The following SND1 variants were observed in gnomAD, a reference collection of about 807,000 sequenced individuals.
The protein encoded by SND1 is staphylococcal nuclease domain-containing protein 1.
SND1 carries 38 observed loss-of-function variants against 121.7 expected under a neutral mutation model. That is an observed-to-expected ratio of 0.31 (90% CI 0.24 to 0.41). The LOEUF (loss-of-function observed/expected upper bound fraction) is 0.41, where lower values mean the gene tolerates loss of function less well. SND1 is among the 10% of genes least tolerant of loss of function. The probability of loss-of-function intolerance (pLI) is 1.00; values close to 1 mark genes in which losing one functional copy is unlikely to be tolerated. For missense variants in SND1, 868 were observed against 1,184.6 expected (o/e 0.73, Z 3.92); for synonymous variants, 401 against 447.4 (o/e 0.90, Z 1.31).
chr7:127,918,536 T>C (rs1468346795), intron 14 of SND1, among the ~76,000 whole-genome samples: 6 of 152,196 alleles, frequency 3.9e-5, no homozygotes, highest in Admixed American at 3.9e-4. Context: ...ATTTATTTCT[T>C]TTTCTTTTAA....
At chr7:128,074,104 G>A (rs1269561691) in intron 16 of SND1, among the ~76,000 whole-genome samples, 1 of 152,164 alleles carries the variant, frequency 6.6e-6, no homozygotes, top group Non-Finnish European at 1.5e-5. Flanking sequence ...CCTCTCCCCA[G>A]GGGTTGCCTC....
chr7:127,725,259 T>A (rs1796562604), intron 10 of SND1, among the ~76,000 whole-genome samples: 1 of 152,220 alleles, frequency 6.6e-6, no homozygotes, highest in South Asian at 2.1e-4. Flanking sequence ...GGAGCCCAGT[T>A]GAGTATTCAT....
intron 2 of SND1, among the ~76,000 whole-genome samples, chr7:127,692,236 T>C (rs936550606): frequency 6.6e-6 from 1 of 152,320 alleles, no homozygotes; most frequent in African/African-American, 2.4e-5. Context: ...CTCAGTTTCA[T>C]TGTGGTAGAT....
chr7:128,080,784 G>A (rs776682055), intron 17 of SND1, among the ~76,000 whole-genome samples: 14 of 152,080 alleles, frequency 9.2e-5, no homozygotes, highest in Non-Finnish European at 1.8e-4. Context: ...GGTAGGCCTG[G>A]GGTAGGATCT....
rs561552471 is a variant in SND1 at position 128,015,797 on chromosome 7, G to C, written c.1779+24741G>C. 6.6e-6 allele frequency among the ~76,000 whole-genome samples: 1 copy of C among 152,144 alleles called. No homozygotes were observed. Among genetic ancestry groups the C allele is most frequent in the Non-Finnish European group, 1.5e-5 (1 of 68,036 alleles). On this transcript the variant is annotated intron_variant, in intron 16 of 23. Transcript: ENST00000354725. The surrounding 1 kb of genome is among the most constrained non-coding windows in gnomAD (Gnocchi z 4.5). The stretch of plus-strand genomic sequence containing the variant: ...GCAGCAGAAATTTGGAGCTGTACAG[G>C]AATCAGATGTCCCACCTAGCAGGCT...
At chr7:127,668,819 C>G (rs1795464142) in intron 1 of SND1, among the ~76,000 whole-genome samples, 1 of 152,220 alleles carries the variant, frequency 6.6e-6, no homozygotes, top group Admixed American at 6.5e-5. Flanking sequence ...CATGCCCTCA[C>G]TTCTTTCTCC....
At chr7:128,024,175 CCTA>C (rs1425118089) in intron 16 of SND1, among the ~76,000 whole-genome samples, 1 of 151,914 alleles carries the variant, frequency 6.6e-6, no homozygotes, top group African/African-American at 2.4e-5. Context: ...AACAACTTAT[CCTA>C]CTGTCCAAAA....
chr7:128,029,569 C>G lies in SND1; in HGVS notation c.1779+38513C>G. 1 of 1,613,962 alleles carries G rather than the reference C, an allele frequency of 6.2e-7. No individual in the cohort carries two copies. Among genetic ancestry groups the G allele is most frequent in the Non-Finnish European group, 8.5e-7 (1 of 1,180,016 alleles). ...TCAGAAATGTTGAGGTCTCGAGGTG[C>G]GTCCATGATGAAGGGGGCAGAGCAC... On this transcript the variant is annotated intron_variant, in intron 16 of 23. Transcript: ENST00000354725. The surrounding 1 kb of genome is among the most constrained non-coding windows in gnomAD (Gnocchi z 4.2).
chr7:128,055,219 C>A (rs989049814), intron 16 of SND1, among the ~76,000 whole-genome samples: 2 of 152,184 alleles, frequency 1.3e-5, no homozygotes, highest in African/African-American at 4.8e-5. Flanking sequence ...GGGTTCTGTT[C>A]TTTCAGCCTT....
chr7:127,887,804 G>C (rs2116731043), intron 12 of SND1, 98 bp from the exon 13 acceptor site: 1 of 709,824 alleles, frequency 1.4e-6, no homozygotes, highest in East Asian at 2.8e-5. Flanking sequence ...CCCTCTGCCA[G>C]AATGCGTTAA....
intron 15 of SND1, among the ~76,000 whole-genome samples, chr7:127,941,145 A>G (rs1435532093): frequency 1.3e-5 from 2 of 152,164 alleles, no homozygotes; most frequent in Admixed American, 6.5e-5. Context: ...ATTTTATTTC[A>G]TCATTAGAGC....
intron 20 of SND1, chr7:128,086,690 G>A: frequency 1.7e-6 from 1 of 575,680 alleles, no homozygotes; most frequent in East Asian, 3.0e-5. Context: ...GTTTTCATGG[G>A]AACCACTAGG....
At chr7:127,655,457 T>C (rs1403196006) in intron 1 of SND1, among the ~76,000 whole-genome samples, 1 of 152,216 alleles carries the variant, frequency 6.6e-6, no homozygotes, top group African/African-American at 2.4e-5. Flanking sequence ...AGTAAGTTGA[T>C]ACAGATATTT....
intron 12 of SND1, among the ~76,000 whole-genome samples, chr7:127,853,718 C>T (rs1799217711): frequency 6.6e-6 from 1 of 152,140 alleles, no homozygotes; most frequent in South Asian, 2.1e-4. Context: ...TGCCCATAAC[C>T]CTATTTTTCT....
At chr7:127,877,444 T>C (rs772378312) in intron 12 of SND1, among the ~76,000 whole-genome samples, 86 of 152,126 alleles carry the variant, frequency 5.7e-4, no homozygotes, top group Admixed American at 1.3e-3. Context: ...AGATCTCAGG[T>C]AGATGCTGAC....
At chr7:128,037,050 C>T (rs1424319722) in intron 16 of SND1, among the ~76,000 whole-genome samples, 1 of 152,212 alleles carries the variant, frequency 6.6e-6, no homozygotes, top group African/African-American at 2.4e-5. Context: ...AAGAAGTGTT[C>T]TCAGGATCAC....
chr7:127,864,785 G>A (rs1381273329), intron 12 of SND1, among the ~76,000 whole-genome samples: 1 of 152,100 alleles, frequency 6.6e-6, no homozygotes, highest in Non-Finnish European at 1.5e-5. Flanking sequence ...CTTTTCAGAT[G>A]CATCTGGAAT....
At chr7:128,050,838 G>T (rs1301264732) in intron 16 of SND1, among the ~76,000 whole-genome samples, 1 of 152,250 alleles carries the variant, frequency 6.6e-6, no homozygotes, top group East Asian at 1.9e-4. Context: ...GAGCTGCCGT[G>T]ATGAAGGGCT....
chr7:127,999,773 T>C (rs1802776602), intron 16 of SND1: 1 of 152,188 alleles, frequency 6.6e-6, no homozygotes, highest in Non-Finnish European at 1.5e-5. Flanking sequence ...AGTCTACCCA[T>C]CTGACATGAA....
Sources: gnomAD v4.1 joint callset for allele counts (sites outside exome capture counted in the v4.1 genomes callset) on GRCh38, gnomAD v4.1.1 for gene constraint, Gnocchi (gnomAD v3.1) non-coding constraint, MANE v1.5 for transcripts, NCBI Gene and HGNC (gene_info 2026-07-23, HGNC 2026-07-21) for gene names.